The following CEP128 variants were observed in gnomAD, a reference collection of about 807,000 sequenced individuals.
CEP128 encodes the protein centrosomal protein 128.
CEP128 carries 132 observed loss-of-function variants against 156.7 expected under a neutral mutation model. That is an observed-to-expected ratio of 0.84 (90% CI 0.73 to 0.97). The LOEUF (loss-of-function observed/expected upper bound fraction) is 0.97, where lower values mean the gene tolerates loss of function less well. CEP128 is among the 50% of genes least tolerant of loss of function. The pLI is 0.00. For synonymous variants in CEP128, 469 were observed against 448.9 expected (o/e 1.04, Z -0.57); for missense variants, 1,252 against 1,281.9 (o/e 0.98, Z 0.36).
intron 19 of CEP128, among the ~76,000 whole-genome samples, chr14:80,587,515 A>G (rs1400615059): frequency 6.6e-6 from 1 of 152,138 alleles, no homozygotes; most frequent in African/African-American, 2.4e-5. Context: ...CACTTCGACA[A>G]CCTTAGAGAT....
intron 19 of CEP128, among the ~76,000 whole-genome samples, chr14:80,650,716 A>C (rs111311959): frequency 0.023 from 3,551 of 152,274 alleles, 146 homozygotes; most frequent in African/African-American, 0.078. Flanking sequence ...GTGATGGATT[A>C]CATTTATTGA....
In CEP128 at chr14:80,723,077, C is replaced by G. The variant is rs984270403; in HGVS notation, c.2806+19998G>C. On this transcript the variant is annotated intron_variant, in intron 19 of 24. Coordinates refer to ENST00000555265, the MANE Select transcript of CEP128 (RefSeq NM_152446.5). ...TCCTGACCTTGTGATCCGCCCGCCT[C>G]GGCCTCCCAAAGTGCTGGTATTACA... Among the ~76,000 whole-genome samples the G allele has an allele frequency of 3.9e-5, 6 of 152,140 alleles. No homozygotes were observed. The East Asian group carries it at 1.2e-3, about 29-fold the overall frequency.
intron 19 of CEP128, among the ~76,000 whole-genome samples, chr14:80,623,776 A>AT (rs1238424254): frequency 3.3e-5 from 5 of 151,984 alleles, no homozygotes; most frequent in Non-Finnish European, 5.9e-5. Context: ...CCAGAAGTAG[A>AT]TTTTTCCTTT....
Position 80,916,410 on chromosome 14 carries a change from A to G in CEP128, c.138T>C (p.Ser46=). ...EVTEKVNTIT[S]TLQDTSRNLR... ...CCATTGTTAAACTAACCTGTAAAGT[A>G]CTTGTTATAGTGTTGACCTTCTCGG... Residue 46 remains serine, a synonymous_variant, in exon 3 of 25, where the codon AGT becomes AGC. Coordinates refer to ENST00000555265, the MANE Select transcript of CEP128 (RefSeq NM_152446.5). The G allele has an allele frequency of 6.2e-7, 1 of 1,613,108 alleles. No homozygotes were observed. Among genetic ancestry groups the G allele is most frequent in the South Asian group, 1.1e-5 (1 of 91,026 alleles).
chr14:80,512,028 G>A (rs1278861715), intron 23 of CEP128, among the ~76,000 whole-genome samples: 1 of 151,966 alleles, frequency 6.6e-6, no homozygotes, highest in African/African-American at 2.4e-5. Flanking sequence ...CATGTGCTGA[G>A]GAGAAGAATG....
At chr14:80,702,729 G>T (rs1897114606) in intron 19 of CEP128, among the ~76,000 whole-genome samples, 1 of 152,112 alleles carries the variant, frequency 6.6e-6, no homozygotes, top group Non-Finnish European at 1.5e-5. Context: ...ACTTTAAAGT[G>T]CATGTTTTTA....
intron 13 of CEP128, chr14:80,822,546 G>A (rs1479830262): frequency 1.5e-6 from 1 of 675,888 alleles, no homozygotes; most frequent in East Asian, 3.1e-5. Flanking sequence ...AAGGCTGAAG[G>A]GGATGCTAAA....
intron 21 of CEP128, among the ~76,000 whole-genome samples, chr14:80,555,666 G>C (rs941062157): frequency 1.3e-5 from 2 of 151,900 alleles, no homozygotes; most frequent in Non-Finnish European, 2.9e-5. Context: ...CTTAGACTTC[G>C]ATAACATCTC....
At chr14:80,794,978 C>T (rs1157164303) in intron 13 of CEP128, among the ~76,000 whole-genome samples, 2 of 152,206 alleles carry the variant, frequency 1.3e-5, no homozygotes, top group Non-Finnish European at 2.9e-5. Context: ...TGAATTACCT[C>T]ATTCAATCCC....
chr14:80,797,031 A>G (rs551111228), intron 13 of CEP128, among the ~76,000 whole-genome samples: 1 of 152,332 alleles, frequency 6.6e-6, no homozygotes, highest in African/African-American at 2.4e-5. Context: ...AACAACTGAT[A>G]GATGTCTAAA....
At chr14:80,678,366 C>T (rs1325437668) in intron 19 of CEP128, among the ~76,000 whole-genome samples, 1 of 148,242 alleles carries the variant, frequency 6.7e-6, no homozygotes, top group Non-Finnish European at 1.5e-5. Context: ...TCACTCCATT[C>T]CAAAAAAAAA....
intron 21 of CEP128, among the ~76,000 whole-genome samples, chr14:80,558,700 G>T (rs1890545348): frequency 6.6e-6 from 1 of 152,162 alleles, no homozygotes; most frequent in African/African-American, 2.4e-5. Flanking sequence ...TGGGATTATG[G>T]GCGTGAGCTA....
intron 19 of CEP128, among the ~76,000 whole-genome samples, chr14:80,660,352 T>C (rs1168166616): frequency 6.6e-6 from 1 of 152,178 alleles, no homozygotes; most frequent in Admixed American, 6.6e-5. Context: ...TTTTTGCTTA[T>C]TGTATTATGA....
chr14:80,613,007 ATTTTT>A (rs66946967), intron 19 of CEP128, among the ~76,000 whole-genome samples: 1 of 114,704 alleles, frequency 8.7e-6, no homozygotes, highest in Non-Finnish European at 1.8e-5. Context: ...CACCCGGCGA[ATTTTT>A]TTTTTTTTTT....
At chr14:80,685,917 T>C (rs375311014) in intron 19 of CEP128, among the ~76,000 whole-genome samples, 3 of 152,192 alleles carry the variant, frequency 2.0e-5, no homozygotes, top group East Asian at 1.9e-4. Context: ...GGCAGAATAA[T>C]TAACTTGGAC....
intron 23 of CEP128, among the ~76,000 whole-genome samples, chr14:80,516,799 G>A (rs987561443): frequency 2.0e-5 from 3 of 152,166 alleles, no homozygotes; most frequent in Admixed American, 1.3e-4. Flanking sequence ...CTCCCACCAC[G>A]TGGCTGCTGC....
intron 19 of CEP128, among the ~76,000 whole-genome samples, chr14:80,653,625 G>A (rs1002170007): frequency 1.3e-5 from 2 of 152,042 alleles, no homozygotes; most frequent in African/African-American, 4.8e-5. Context: ...ATCTTGAGAG[G>A]GGCTAATGCA....
intron 13 of CEP128, among the ~76,000 whole-genome samples, chr14:80,822,215 C>G (rs1885224565): frequency 6.6e-6 from 1 of 152,124 alleles, no homozygotes; most frequent in Non-Finnish European, 1.5e-5. Flanking sequence ...AAAGTCCATA[C>G]TCCAAAGTTT....
intron 23 of CEP128, among the ~76,000 whole-genome samples, chr14:80,510,105 G>A (rs1289390172): frequency 6.6e-6 from 1 of 152,048 alleles, no homozygotes; most frequent in Admixed American, 6.6e-5. Context: ...TGGCTATTCT[G>A]GGTCTTGTGG....
Sources: gnomAD v4.1 joint callset for allele counts (sites outside exome capture counted in the v4.1 genomes callset) on GRCh38, gnomAD v4.1.1 for gene constraint, MANE v1.5 for transcripts, NCBI Gene and HGNC (gene_info 2026-07-23, HGNC 2026-07-21) for gene names.